Variants in EPHA5 observed in about 807,000 individuals in gnomAD.
The protein encoded by EPHA5 is EPH receptor A5, also known as ephrin type-A receptor 5.
Under a neutral mutation model 105.0 loss-of-function variants are expected in EPHA5, and 60 were observed. That is an observed-to-expected ratio of 0.57 (90% CI 0.46 to 0.71). The LOEUF (loss-of-function observed/expected upper bound fraction) is 0.71. EPHA5 is among the 30% of genes least tolerant of loss of function. The pLI is 0.00. For missense variants in EPHA5, 1,218 were observed against 1,274.7 expected (o/e 0.96, Z 0.68); for synonymous variants, 513 against 449.1 (o/e 1.14, Z -1.80).
chr4:65,406,883 G>T (rs1382730588), intron 7 of EPHA5, among the ~76,000 whole-genome samples: 1 of 151,800 alleles, frequency 6.6e-6, no homozygotes, highest in African/African-American at 2.4e-5. Context: ...AATCAAACTG[G>T]TTTGATCTCT....
At position 65,447,695 on chromosome 4, in the gene EPHA5, A is replaced by G. The variant is rs959370056; in HGVS notation, c.1403-27130T>C. Among the ~76,000 whole-genome samples the G allele has an allele frequency of 2.0e-5, 3 of 152,134 alleles. 1 individual carries two copies. In the South Asian group the frequency reaches 6.2e-4, roughly 32 times the overall value. On this transcript the variant is annotated intron_variant, in intron 5 of 16. Transcript: ENST00000613740. Reference sequence around the variant, plus strand: ...ATGTTAAATTATTTACCACAGATGAATCTATTTACTTGTGAAAAGTGCATT... The same window carrying G: ...ATGTTAAATTATTTACCACAGATGAGTCTATTTACTTGTGAAAAGTGCATT...
chr4:65,521,015 T>C (rs1734650175), intron 3 of EPHA5, among the ~76,000 whole-genome samples: 2 of 152,056 alleles, frequency 1.3e-5, no homozygotes, highest in East Asian at 1.9e-4. Context: ...CCCAGCCATC[T>C]CATTACAGAG....
chr4:65,453,464 A>C (rs552513073), intron 5 of EPHA5, among the ~76,000 whole-genome samples: 3 of 152,308 alleles, frequency 2.0e-5, no homozygotes, highest in South Asian at 2.1e-4. Flanking sequence ...AAGGAAAGAC[A>C]GTCTCCCAAT....
intron 5 of EPHA5, among the ~76,000 whole-genome samples, chr4:65,466,402 ATGAT>A (rs1315112189): frequency 6.6e-6 from 1 of 152,234 alleles, no homozygotes; most frequent in African/African-American, 2.4e-5. Flanking sequence ...AGTCAAATAA[ATGAT>A]AAAGTTCCAG....
intron 3 of EPHA5, chr4:65,573,510 G>T: frequency 6.3e-7 from 1 of 1,592,172 alleles, no homozygotes; most frequent in Non-Finnish European, 8.5e-7. Context: ...GAAACCCGAA[G>T]CCAAGAAGAC....
At chr4:65,359,690 TCTA>T (rs1236635042) in intron 11 of EPHA5, among the ~76,000 whole-genome samples, 12 of 151,662 alleles carry the variant, frequency 7.9e-5, no homozygotes, top group Admixed American at 5.9e-4. Context: ...ACCACTACCC[TCTA>T]CCATGCTAGG....
At chr4:65,463,609 C>A (rs574034401) in intron 5 of EPHA5, among the ~76,000 whole-genome samples, 1 of 152,184 alleles carries the variant, frequency 6.6e-6, no homozygotes, top group Admixed American at 6.5e-5. Context: ...TCGCACCTTG[C>A]AGTAATTGTG....
chr4:65,551,615 A>G (rs114393799), intron 3 of EPHA5, among the ~76,000 whole-genome samples: 3,036 of 152,156 alleles, frequency 0.02, 35 homozygotes, highest in South Asian at 0.057. Flanking sequence ...TTTTTATTCT[A>G]TGTCAAGCAT....
intron 3 of EPHA5, among the ~76,000 whole-genome samples, chr4:65,597,179 C>G (rs1025211797): frequency 6.6e-6 from 1 of 152,182 alleles, no homozygotes; most frequent in African/African-American, 2.4e-5. Context: ...TTCACTCTGA[C>G]TGGTTTTGGC....
At chr4:65,357,608 C>T (rs1194399851) in intron 11 of EPHA5, among the ~76,000 whole-genome samples, 1 of 151,230 alleles carries the variant, frequency 6.6e-6, no homozygotes, top group Non-Finnish European at 1.5e-5. Context: ...TGCATAAGAG[C>T]TACTTAAAGT....
chr4:65,516,226 A>G (rs1482565557), intron 3 of EPHA5, among the ~76,000 whole-genome samples: 2 of 152,186 alleles, frequency 1.3e-5, no homozygotes, highest in Admixed American at 1.3e-4. Flanking sequence ...AAGCCTTACC[A>G]ATAACATAAA....
Position 65,376,943 on chromosome 4 carries a change from G to A in EPHA5, c.1794-9519C>T, listed in dbSNP as rs7690645. 2.0e-3 allele frequency: 2,964 copies of A among 1,453,746 alleles called. 49 individuals carry two copies. In the African/African-American group the frequency reaches 0.036, roughly 17 times the overall value. The allele number at this position is 1,453,746 out of a possible 1,614,324, so 90.1% of individuals were successfully genotyped here. On this transcript the variant is annotated intron_variant, in intron 8 of 16. Transcript: ENST00000613740. ...ATGGAGAAAGAAAAGGAATGCCGACGGTAATACATATAGGTGGACATCACA... is the reference window on the plus strand; with the variant it reads ...ATGGAGAAAGAAAAGGAATGCCGACAGTAATACATATAGGTGGACATCACA...
At chr4:65,430,705 C>T (rs1724890373) in intron 5 of EPHA5, among the ~76,000 whole-genome samples, 1 of 152,080 alleles carries the variant, frequency 6.6e-6, no homozygotes, top group South Asian at 2.1e-4. Flanking sequence ...AGTCTTTCTT[C>T]AGAGTTTGTA....
chr4:65,666,978 G>A (rs572871865), intron 1 of EPHA5, among the ~76,000 whole-genome samples: 3 of 151,660 alleles, frequency 2.0e-5, no homozygotes, highest in East Asian at 1.9e-4. Context: ...TTCATAATAC[G>A]CACACACACA....
chr4:65,450,008 A>G (rs1322207573), intron 5 of EPHA5, among the ~76,000 whole-genome samples: 1 of 152,194 alleles, frequency 6.6e-6, no homozygotes, highest in Non-Finnish European at 1.5e-5. Context: ...GTCCTTTGTT[A>G]TGTCAACTCT....
At chr4:65,655,258 T>C (rs1560827489) in intron 1 of EPHA5, among the ~76,000 whole-genome samples, 1 of 152,090 alleles carries the variant, frequency 6.6e-6, no homozygotes. Flanking sequence ...TTTTTTGAAG[T>C]GTGGTATTTC....
chr4:65,588,104 T>C lies in EPHA5; in HGVS notation c.910+13537A>G, dbSNP rs571887506. Among the ~76,000 whole-genome samples, 45 of 152,304 alleles carry C rather than the reference T, an allele frequency of 3.0e-4. 1 individual carries two copies. The South Asian group carries it at 5.6e-3, about 19-fold the overall frequency. ...TTGTGTGATCTTAGTAAAATTAACC[T>C]TCTGAGCTTTCAGTTGCCCCTGAAA... is the stretch of plus-strand genomic sequence containing the variant. On this transcript the variant is annotated intron_variant, in intron 3 of 16. Transcript: ENST00000613740.
At chr4:65,489,056 T>C (rs894466406) in intron 5 of EPHA5, among the ~76,000 whole-genome samples, 1 of 147,570 alleles carries the variant, frequency 6.8e-6, no homozygotes, top group Non-Finnish European at 1.5e-5. Context: ...CGGCTAATTT[T>C]TTTTATTATT....
intron 5 of EPHA5, among the ~76,000 whole-genome samples, chr4:65,486,944 T>G (rs544866773): frequency 6.6e-6 from 1 of 152,306 alleles, no homozygotes; most frequent in South Asian, 2.1e-4. Flanking sequence ...GCTCTCATGA[T>G]AGAGAGCAAG....
Sources: allele counts gnomAD v4.1 joint callset (sites outside exome capture counted in the v4.1 genomes callset), GRCh38; gene constraint gnomAD v4.1.1; transcripts MANE v1.5; gene names NCBI Gene and HGNC (gene_info 2026-07-23, HGNC 2026-07-21).